DGKQ: variants seen among roughly 807,000 people sequenced by gnomAD.
The protein encoded by DGKQ is DAG kinase theta.
A neutral mutation model predicts 104.2 loss-of-function variants in DGKQ; 97 were observed. The ratio of observed to expected loss-of-function variants is 0.93; its 90% CI spans 0.79 to 1.10. The LOEUF (loss-of-function observed/expected upper bound fraction) is 1.10, where lower values mean the gene tolerates loss of function less well. DGKQ is among the 50% of genes least tolerant of loss of function. The pLI, the probability that DGKQ is intolerant of heterozygous loss-of-function variation, is 0.00. For missense variants in DGKQ, 1,465 were observed against 1,352.1 expected (o/e 1.08, Z -1.31); for synonymous variants, 736 against 595.2 (o/e 1.24, Z -3.44).
rs942613041 is a variant in DGKQ at position 959,998 on chromosome 4, T to C, written c.*622A>G. 1 of 152,684 alleles carries C rather than the reference T, an allele frequency of 6.5e-6. No individual in the cohort carries two copies. Among genetic ancestry groups the C allele is most frequent in the African/African-American group, 2.4e-5 (1 of 41,426 alleles). 9.5% of individuals were successfully genotyped at this position (152,684 alleles called of 1,614,324 possible). Reference sequence around the variant, plus strand: ...CCTGAGATCCAAGCTGCCATCTGTATATAACAAGGCCAGAAAACAAGGGAA... The same window carrying C: ...CCTGAGATCCAAGCTGCCATCTGTACATAACAAGGCCAGAAAACAAGGGAA... On this transcript the variant is annotated 3_prime_UTR_variant, in exon 23 of 23. Transcript: ENST00000273814.
In DGKQ at chr4:968,511, G is replaced by A. The variant is rs563757088; in HGVS notation, c.505C>T (p.Arg169Cys). 19 of 1,608,894 alleles carry A rather than the reference G, an allele frequency of 1.2e-5. No homozygotes were observed. The highest frequency in any genetic ancestry group is 1.3e-5 in the African/African-American group (1 of 74,814). Residue 169 changes from arginine to cysteine, a missense_variant, in exon 4 of 23, where the codon CGC (arginine) becomes TGC (cysteine). Transcript: ENST00000273814. ...DCVPFACSDC[R>C]QCHQDGHQDH... ...TGGTGCCCATCCTGGTGGCACTGGC[G>A]GCAGTCACTGCAGGCGAAGGGCACA...
Position 959,792 on chromosome 4 carries a change from C to T in DGKQ, c.*828G>A, listed in dbSNP as rs1387323226. 1.3e-5 allele frequency: 2 copies of T among 152,248 alleles called. No individual in the cohort carries two copies. Among genetic ancestry groups the T allele is most frequent in the Non-Finnish European group, 2.9e-5 (2 of 68,078 alleles). 9.4% of individuals were successfully genotyped at this position (152,248 alleles called of 1,614,324 possible). A position where few individuals can be genotyped will look rare whatever the true frequency, so the allele number is the denominator to read the frequency against. On this transcript the variant is annotated 3_prime_UTR_variant, in exon 23 of 23. Coordinates refer to ENST00000273814, the MANE Select transcript of DGKQ (RefSeq NM_001347.4). ...CCCTGCTTTTGGTCCCTTCTGGGTG[C>T]TAAGTGCCCCACCCTGAGGGCCGAG... is the stretch of plus-strand genomic sequence containing the variant.
In DGKQ at chr4:966,973, G is replaced by A. The variant is rs1435377832; in HGVS notation, c.1302C>T (p.Leu434=). The change falls in exon 10 of 23, where the codon CTC becomes CTT. Residue 434 remains leucine (L), a synonymous_variant. Coordinates refer to ENST00000273814, the MANE Select transcript of DGKQ (RefSeq NM_001347.4). ...GGCACAGGGTACGCACCTGGCGGCC[G>A]AGCAGCGGCAGGACCTCCAGCACCA... is the stretch of plus-strand genomic sequence containing the variant. The part of the protein sequence containing the change: ...RSVVLEVLPL[L]GRQAESPESF... 10 of 1,563,744 alleles carry A rather than the reference G, an allele frequency of 6.4e-6. No individual in the cohort carries two copies. Among genetic ancestry groups the A allele is most frequent in the East Asian group, 2.4e-5 (1 of 41,964 alleles).
rs773381770 is a variant in DGKQ at position 961,476 on chromosome 4, G to A, written c.2565C>T (p.Val855=). ...GLLEVVGVTG[V]VHMGQVQGGL... is the part of the protein sequence containing the mutation. The stretch of plus-strand genomic sequence containing the variant: ...TCGGCCGGCGGCTCACCATGTGCAC[G>A]ACGCCCGTCACGCCCACAACCTCCA... Residue 855 remains valine, a synonymous_variant, in exon 21 of 23, where the codon GTC becomes GTT. Coordinates refer to ENST00000273814, the MANE Select transcript of DGKQ (RefSeq NM_001347.4). The A allele has an allele frequency of 2.2e-5, 35 of 1,599,040 alleles. No homozygotes were observed. Among genetic ancestry groups the A allele is most frequent in the African/African-American group, 4.0e-5 (3 of 74,450 alleles).
chr4:970,635 C>A (rs370378827), intron 2 of DGKQ, among the ~76,000 whole-genome samples: 4 of 152,142 alleles, frequency 2.6e-5, no homozygotes, highest in Non-Finnish European at 5.9e-5. Flanking sequence ...ACTGAGGTCA[C>A]GCCAGATGCC....
rs200926485 is a variant in DGKQ, at chr4:961,812, C to A, written c.2338G>T (p.Val780Leu). Residue 780 changes from valine (V) to leucine (L), a missense_variant, in exon 20 of 23, where the codon GTG (valine) becomes TTG (leucine). Transcript: ENST00000273814. ...CTGATCTTCTGCAGCCCCACCCGCA[C>A]GTACACACCCTTGTTGTGCAGCCTG... Reference protein sequence around the residue: ...TSRLHNKGVYVRVGLQKISHS... With the variant: ...TSRLHNKGVYLRVGLQKISHS... 1 of 1,605,140 alleles carries A rather than the reference C, an allele frequency of 6.2e-7. No homozygotes were observed. Among genetic ancestry groups the A allele is most frequent in the Non-Finnish European group, 8.5e-7 (1 of 1,176,182 alleles).
At position 962,580 on chromosome 4, in the gene DGKQ, GC is replaced by G. The variant is rs1711971843; in HGVS notation, c.2068del (p.Ala690ArgfsTer53). ...NDLGRVLRWG[A>X]GYSGEDPFSV... is the part of the protein sequence containing the mutation. ...GAACGGGTCCTCGCCGCTGTAGCCC[GC>G]CCCCCAGCGGAGGACTCGACCAAGG... On this transcript the variant is annotated frameshift_variant, in exon 18 of 23. Transcript: ENST00000273814. LOFTEE classifies it high-confidence loss of function. 3 of 1,609,204 alleles carry G rather than the reference GC, an allele frequency of 1.9e-6. No individual in the cohort carries two copies.
chr4:963,297 G>A lies in DGKQ; in HGVS notation c.1735-7C>T. ...CTGGGGGCAGCTTCGCGTGCTGACA[G>A]ACAGGGGGCTGGGTTAGGATGGGGA... On this transcript the variant is annotated splice_region_variant and splice_polypyrimidine_tract_variant and intron_variant, in intron 15 of 22. Coordinates refer to ENST00000273814, the MANE Select transcript of DGKQ (RefSeq NM_001347.4). 2 of 1,597,958 alleles carry A rather than the reference G, an allele frequency of 1.3e-6. No individual in the cohort carries two copies. The highest frequency in any genetic ancestry group is 1.7e-6 in the Non-Finnish European group (2 of 1,168,360).
chr4:961,737 C>G lies in DGKQ; in HGVS notation c.2413G>C (p.Glu805Gln). The G allele has an allele frequency of 6.2e-7, 1 of 1,612,776 alleles. No individual in the cohort carries two copies. Among genetic ancestry groups the G allele is most frequent in the Non-Finnish European group, 8.5e-7 (1 of 1,179,914 alleles). Residue 805 changes from glutamate (E) to glutamine (Q), a missense_variant, in exon 20 of 23, where the codon GAG (glutamate) becomes CAG (glutamine). By Grantham distance (29) the Glu-to-Gln change is conservative (BLOSUM62 2). Transcript: ENST00000273814. Reference sequence around the variant, plus strand: ...CCTTCAATACTGGGCAGCTCCACCTCCTGCCGCTCCACCTGCAGCCGGATC... The same window carrying G: ...CCTTCAATACTGGGCAGCTCCACCTGCTGCCGCTCCACCTGCAGCCGGATC... ...KQIRLQVERQ[E>Q]VELPSIEGLI...
At chr4:963,833 T>C (rs937371537) in intron 15 of DGKQ, among the ~76,000 whole-genome samples, 20 of 152,240 alleles carry the variant, frequency 1.3e-4, no homozygotes, top group African/African-American at 4.6e-4. Context: ...CAAGAAACAG[T>C]ACCCAGGGAT....
rs201129038 is a variant in DGKQ at position 961,881 on chromosome 4, G to A, written c.2316-47C>T. On this transcript the variant is annotated intron_variant, in intron 19 of 22. Coordinates refer to ENST00000273814, the MANE Select transcript of DGKQ (RefSeq NM_001347.4). ...CCATCACCAGGGGAAGCCCTACCCCGCCTTAGGCAGCCTCCGGGTTCCGGC... is the reference window on the plus strand; with the variant it reads ...CCATCACCAGGGGAAGCCCTACCCCACCTTAGGCAGCCTCCGGGTTCCGGC... 2.3e-4 allele frequency: 360 copies of A among 1,597,308 alleles called. 3 individuals are homozygous for A. The African/African-American group carries it at 3.8e-3, about 17-fold the overall frequency.
intron 2 of DGKQ, among the ~76,000 whole-genome samples, chr4:970,751 T>C (rs532759462): frequency 2.9e-4 from 44 of 152,288 alleles, no homozygotes; most frequent in Non-Finnish European, 5.4e-4. Flanking sequence ...TTTCGTCATT[T>C]TGAGCACATT....
At position 966,012 on chromosome 4, in the gene DGKQ, C is replaced by T. The variant is rs772841688; in HGVS notation, c.1495G>A (p.Val499Ile). 11 of 1,605,192 alleles carry T rather than the reference C, an allele frequency of 6.9e-6. No individual in the cohort carries two copies. The highest frequency in any genetic ancestry group is 4.5e-5 in the East Asian group (2 of 44,654). ...VAESRDVAPHVSLFVGGLPPG... is the reference protein window; with the variant it reads ...VAESRDVAPHISLFVGGLPPG... The stretch of plus-strand genomic sequence containing the variant: ...GGCAGGCCGCCAACAAACAGGGAGA[C>T]GTGCGGGGCTACATCCCTGCTCTCT... Residue 499 changes from valine (V) to isoleucine (I), a missense_variant, in exon 13 of 23, where the codon GTC becomes ATC. Physicochemically the swap from Val to Ile is conservative, Grantham distance 29. Transcript: ENST00000273814.
In DGKQ at chr4:960,389, C is replaced by T; in HGVS notation, c.*231G>A. ...CCACCCGGGACACGGGGTAACACTG[C>T]CACCCGCACACCAGTCTCCAGTGGG... is the stretch of plus-strand genomic sequence containing the variant. On this transcript the variant is annotated 3_prime_UTR_variant, in exon 23 of 23. Transcript: ENST00000273814. The T allele has an allele frequency of 3.4e-6, 2 of 580,162 alleles. No homozygotes were observed. The highest frequency in any genetic ancestry group is 2.1e-5 in the South Asian group (1 of 48,340). 35.9% of individuals were successfully genotyped at this position (580,162 alleles called of 1,614,324 possible).
chr4:964,635 G>A (rs1431745530), intron 15 of DGKQ, among the ~76,000 whole-genome samples: 2 of 152,130 alleles, frequency 1.3e-5, no homozygotes, highest in African/African-American at 2.4e-5. Context: ...GGTCTGAAGG[G>A]CAGCGTTCAA....
chr4:968,199 G>T lies in DGKQ; in HGVS notation c.663+83C>A, dbSNP rs7441544. 60 of 328,174 alleles carry T rather than the reference G, an allele frequency of 1.8e-4. No individual in the cohort carries two copies. In the African/African-American group the frequency reaches 2.1e-3, roughly 12 times the overall value. The allele number at this position is 328,174 out of a possible 1,614,324, so 20.3% of individuals were successfully genotyped here. A position where few individuals can be genotyped will look rare whatever the true frequency, so the allele number is the denominator to read the frequency against. On this transcript the variant is annotated intron_variant, in intron 5 of 22. Transcript: ENST00000273814. The stretch of plus-strand genomic sequence containing the variant: ...ACCCGCGCCTCTCCTGCCCCGCCCC[G>T]CCAACTCCTCCACCTCCCAGCACCC...
At chr4:966,335 T>G in intron 12 of DGKQ, 131 bp downstream of exon 12, 1 of 1,064,084 alleles carries the variant, frequency 9.4e-7, no homozygotes, top group Non-Finnish European at 1.4e-6. Context: ...ACGAGGGCGC[T>G]GCCCTGTCAG....
intron 22 of DGKQ, 23 bp downstream of exon 22, chr4:961,026 C>T (rs771722313): frequency 1.1e-5 from 17 of 1,610,528 alleles, no homozygotes; most frequent in South Asian, 8.8e-5. Context: ...CCTCCCCTGG[C>T]TCTCCAGCCT....
chr4:963,379 C>T (rs1712042080), intron 15 of DGKQ, 89 bp from the exon 16 acceptor site: 1 of 1,275,710 alleles, frequency 7.8e-7, no homozygotes. Context: ...GCCCCCAACC[C>T]TGAGCCCACC....
Sources: gnomAD v4.1 joint callset for allele counts (sites outside exome capture counted in the v4.1 genomes callset) on GRCh38, gnomAD v4.1.1 for gene constraint, MANE v1.5 for transcripts, NCBI Gene and HGNC (gene_info 2026-07-23, HGNC 2026-07-21) for gene names.